METRNL: variants seen among roughly 807,000 people sequenced by gnomAD.
METRNL encodes the protein meteorin like, glial cell differentiation regulator.
METRNL carries 9 observed loss-of-function variants against 17.4 expected under a neutral mutation model. The ratio of observed to expected loss-of-function variants is 0.52; its 90% confidence interval spans 0.31 to 0.90. The LOEUF (loss-of-function observed/expected upper bound fraction) is 0.90, where lower values mean the gene tolerates loss of function less well. METRNL is among the 40% of genes least tolerant of loss of function. The pLI is 0.05. For synonymous variants in METRNL, 215 were observed against 199.3 expected (o/e 1.08, Z -0.66); for missense variants, 408 against 430.7 (o/e 0.95, Z 0.47).
chr17:83,084,968 G>A lies in METRNL; in HGVS notation c.201G>A (p.Glu67=), dbSNP rs1218315737. The A allele has an allele frequency of 6.2e-7, 1 of 1,613,398 alleles. No homozygotes were observed. Among genetic ancestry groups the A allele is most frequent in the Non-Finnish European group, 8.5e-7 (1 of 1,179,692 alleles). Residue 67 remains glutamate (E), a synonymous_variant, in exon 2 of 4, where the codon GAG becomes GAA. Coordinates refer to ENST00000320095, the MANE Select transcript of METRNL (RefSeq NM_001004431.3). Reference sequence around the variant, plus strand: ...TGACGCACGAGGCACACAGGAAGGAGGTGGAGCAGGTGTATCTGCGCTGTG... The same window carrying A: ...TGACGCACGAGGCACACAGGAAGGAAGTGGAGCAGGTGTATCTGCGCTGTG... The part of the protein sequence containing the change: ...SGLTHEAHRK[E]VEQVYLRCAA...
chr17:83,093,492 C>G (rs772202801), intron 3 of METRNL, among the ~76,000 whole-genome samples: 1 of 152,226 alleles, frequency 6.6e-6, no homozygotes. Flanking sequence ...GAGATCACTG[C>G]TCTTCGAGGG....
Position 83,090,280 on chromosome 17 carries a change from T to C in METRNL, c.557-2887T>C, listed in dbSNP as rs1322265643. On this transcript the variant is annotated intron_variant, in intron 2 of 3. Transcript: ENST00000320095. ...GTGGGAGCCACACACACCCCCGCCC[T>C]GCCCCAGGGTGGGAGCCACACACAC... 4.9e-3 allele frequency among the ~76,000 whole-genome samples: 22 copies of C among 4,458 alleles called. 3 individuals are homozygous for C. Among genetic ancestry groups the C allele is most frequent in the East Asian group, 0.1 (1 of 10 alleles). 2.9% of individuals were successfully genotyped at this position (4,458 alleles called of 152,430 possible). A position where few individuals can be genotyped will look rare whatever the true frequency, so the allele number is the denominator to read the frequency against.
At chr17:83,084,200 G>A (rs181272171) in intron 1 of METRNL, 4 of 152,188 alleles carry the variant, frequency 2.6e-5, no homozygotes, top group East Asian at 3.9e-4. Context: ...AAATACCGTC[G>A]GCAGTGCAGG....
chr17:83,081,978 G>A, intron 1 of METRNL: 1 of 578,980 alleles, frequency 1.7e-6, no homozygotes, highest in East Asian at 1.4e-4. Context: ...TGGTGTGCTG[G>A]GTGGATTCTC....
rs773989181 is a variant in METRNL at position 83,093,210 on chromosome 17, C to T, written c.600C>T (p.Val200=). 11 of 1,608,294 alleles carry T rather than the reference C, an allele frequency of 6.8e-6. 1 individual carries two copies. In the South Asian group the frequency reaches 1.1e-4, roughly 16 times the overall value. Residue 200 remains valine (V), a synonymous_variant, in exon 3 of 4, where the codon GTC becomes GTT. Coordinates refer to ENST00000320095, the MANE Select transcript of METRNL (RefSeq NM_001004431.3). ...PCSDTEVLLA[V]CTSDFAVRGS... is the part of the protein sequence containing the mutation. ...GTGACACCGAGGTGCTCCTAGCCGT[C>T]TGCACCAGCGACTTCGGTGAGTGTC... is the stretch of plus-strand genomic sequence containing the variant.
chr17:83,082,621 C>T (rs968647996), intron 1 of METRNL, among the ~76,000 whole-genome samples: 1 of 152,188 alleles, frequency 6.6e-6, no homozygotes, highest in Non-Finnish European at 1.5e-5. Flanking sequence ...CACAAAATGC[C>T]CTCATCCATG....
At chr17:83,083,206 G>C (rs2038010044) in intron 1 of METRNL, among the ~76,000 whole-genome samples, 1 of 152,216 alleles carries the variant, frequency 6.6e-6, no homozygotes, top group African/African-American at 2.4e-5. Context: ...TTGGCCGCCT[G>C]TCCCCAGCTG....
chr17:83,084,911 C>A, intron 1 of METRNL, 27 bp from the exon 2 acceptor site: 1 of 1,590,024 alleles, frequency 6.3e-7, no homozygotes, highest in Non-Finnish European at 8.6e-7. Flanking sequence ...AGCTCCGGGC[C>A]TGGCTGACAG....
At chr17:83,093,000 C>G (rs566532562) in intron 2 of METRNL, among the ~76,000 whole-genome samples, 167 bp from the exon 3 acceptor site, 1 of 152,158 alleles carries the variant, frequency 6.6e-6, no homozygotes, top group African/African-American at 2.4e-5. Context: ...CCCTCCAGCA[C>G]GTGCCGCCAA....
chr17:83,090,870 G>A (rs1334592834), intron 2 of METRNL, among the ~76,000 whole-genome samples: 2 of 152,124 alleles, frequency 1.3e-5, no homozygotes, highest in South Asian at 2.1e-4. Context: ...GTGAGTGGTG[G>A]TCTGTGCTGC....
intron 2 of METRNL, among the ~76,000 whole-genome samples, chr17:83,088,956 C>T (rs762363868): frequency 1.2e-4 from 18 of 152,152 alleles, no homozygotes. Context: ...GGTGCCTTCT[C>T]TCCGGCCACT....
In METRNL at chr17:83,094,773, T is replaced by C. The variant is rs1305698038; in HGVS notation, c.*198T>C. On this transcript the variant is annotated 3_prime_UTR_variant, in exon 4 of 4. Coordinates refer to ENST00000320095, the MANE Select transcript of METRNL (RefSeq NM_001004431.3). The stretch of plus-strand genomic sequence containing the variant: ...TTCCAGCCAAGGATGCCCTGGCCGA[T>C]TGGAAATGCTGTAAAATGCAAACTA... 2.5e-6 allele frequency: 1 copy of C among 406,158 alleles called. No individual in the cohort carries two copies. The highest frequency in any genetic ancestry group is 4.3e-6 in the Non-Finnish European group (1 of 233,048). The allele number at this position is 406,158 out of a possible 1,614,324, so 25.2% of individuals were successfully genotyped here. A position where few individuals can be genotyped will look rare whatever the true frequency, so the allele number is the denominator to read the frequency against.
In METRNL at chr17:83,094,446, C is replaced by T. The variant is rs138062461; in HGVS notation, c.807C>T (p.Phe269=). ...ECGVRPGHGD[F]LFTGHMHFGE... is the part of the protein sequence containing the mutation. Reference sequence around the variant, plus strand: ...GCGTGCGGCCGGGGCATGGCGACTTCCTCTTCACTGGCCACATGCACTTCG... The same window carrying T: ...GCGTGCGGCCGGGGCATGGCGACTTTCTCTTCACTGGCCACATGCACTTCG... The change falls in exon 4 of 4, where the codon TTC becomes TTT. Residue 269 remains phenylalanine (F), a synonymous_variant. Coordinates refer to ENST00000320095, the MANE Select transcript of METRNL (RefSeq NM_001004431.3). 1.3e-6 allele frequency: 2 copies of T among 1,596,182 alleles called. No individual in the cohort carries two copies. Among genetic ancestry groups the T allele is most frequent in the African/African-American group, 2.7e-5 (2 of 74,784 alleles).
At chr17:83,087,775 CCGAGCCTGAGG>C (rs1457727495) in intron 2 of METRNL, among the ~76,000 whole-genome samples, 1 of 148,126 alleles carries the variant, frequency 6.8e-6, no homozygotes, top group Non-Finnish European at 1.5e-5. Flanking sequence ...GCCAGCCCCG[CCGAGCCTGAGG>C]TGAGCCTGAG....
In METRNL at chr17:83,085,178, G is replaced by A. The variant is rs749963454; in HGVS notation, c.411G>A (p.Arg137=). The A allele has an allele frequency of 1.2e-6, 2 of 1,611,790 alleles. No individual in the cohort carries two copies. Among genetic ancestry groups the A allele is most frequent in the Admixed American group, 1.7e-5 (1 of 59,912 alleles). The change falls in exon 2 of 4, where the codon AGG becomes AGA. Residue 137 remains arginine, a synonymous_variant. Transcript: ENST00000320095. ...LRLLVPDGDG[R]PGRVQCFGLE... Reference sequence around the variant, plus strand: ...TGCTGGTACCAGACGGGGACGGCAGGCCCGGCCGGGTGCAGTGTTTTGGCC... The same window carrying A: ...TGCTGGTACCAGACGGGGACGGCAGACCCGGCCGGGTGCAGTGTTTTGGCC...
At chr17:83,094,094 G>A (rs1224010164) in intron 3 of METRNL, among the ~76,000 whole-genome samples, 162 bp from the exon 4 acceptor site, 1 of 152,242 alleles carries the variant, frequency 6.6e-6, no homozygotes, top group Non-Finnish European at 1.5e-5. Flanking sequence ...GCTTTCTGCT[G>A]TTACATTGTA....
intron 2 of METRNL, among the ~76,000 whole-genome samples, chr17:83,089,153 G>A (rs1257299973): frequency 6.6e-6 from 1 of 152,132 alleles, no homozygotes; most frequent in Non-Finnish European, 1.5e-5. Context: ...CGACGGTGAT[G>A]ATGGTGGCCT....
chr17:83,089,132 C>T (rs1313131904), intron 2 of METRNL, among the ~76,000 whole-genome samples: 1 of 152,124 alleles, frequency 6.6e-6, no homozygotes, highest in African/African-American at 2.4e-5. Context: ...GCCTGGAGTG[C>T]GGCCGCAGCG....
chr17:83,093,472 T>C (rs539627543), intron 3 of METRNL, among the ~76,000 whole-genome samples: 2 of 152,330 alleles, frequency 1.3e-5, no homozygotes, highest in African/African-American at 4.8e-5. Flanking sequence ...CATTTTCCCA[T>C]TTTGTAAATG....
Sources: gnomAD v4.1 joint callset for allele counts (sites outside exome capture counted in the v4.1 genomes callset) on GRCh38, gnomAD v4.1.1 for gene constraint, MANE v1.5 for transcripts, NCBI Gene and HGNC (gene_info 2026-07-23, HGNC 2026-07-21) for gene names.